The following UNC5D variants were observed in gnomAD, a reference collection of about 807,000 sequenced individuals.
The protein encoded by UNC5D is netrin receptor UNC5D.
In UNC5D, 39 loss-of-function variants were observed where a neutral mutation model predicts 105.4. The observed-to-expected ratio is 0.37, with a 90% CI of 0.29 to 0.48. The LOEUF (loss-of-function observed/expected upper bound fraction) is 0.48, where lower values mean the gene tolerates loss of function less well. Ranked by LOEUF, UNC5D falls within the 20% of genes least tolerant of loss-of-function variation. The pLI, the probability that UNC5D is intolerant of heterozygous loss-of-function variation, is 0.98. For synonymous variants in UNC5D, 452 were observed against 450.4 expected (o/e 1.00, Z -0.04); for missense variants, 991 against 1,202.4 (o/e 0.82, Z 2.60).
At chr8:35,620,070 AG>A (rs1371337798) in intron 4 of UNC5D, among the ~76,000 whole-genome samples, 1 of 152,152 alleles carries the variant, frequency 6.6e-6, no homozygotes, top group Non-Finnish European at 1.5e-5. Flanking sequence ...GCAACAAAAG[AG>A]GGGGTCAAAG....
chr8:35,440,932 G>T (rs1209854081), intron 1 of UNC5D, among the ~76,000 whole-genome samples: 2 of 151,960 alleles, frequency 1.3e-5, no homozygotes, highest in African/African-American at 4.8e-5. Flanking sequence ...TGAGAGGAGG[G>T]TAGGGACCAG....
chr8:35,548,765 G>A (rs531910491), intron 1 of UNC5D, among the ~76,000 whole-genome samples: 2 of 152,336 alleles, frequency 1.3e-5, no homozygotes, highest in South Asian at 4.1e-4. Context: ...CAAGATCCAA[G>A]ACGATTGCCA....
intron 1 of UNC5D, among the ~76,000 whole-genome samples, chr8:35,264,230 C>T (rs184735698): frequency 6.6e-6 from 1 of 152,324 alleles, no homozygotes; most frequent in Admixed American, 6.5e-5. Context: ...TGCTCAGGCA[C>T]TGCAGATGTT....
chr8:35,569,080 G>A (rs1367164481), intron 3 of UNC5D, among the ~76,000 whole-genome samples: 1 of 149,038 alleles, frequency 6.7e-6, no homozygotes, highest in Non-Finnish European at 1.5e-5. Context: ...TACACACTTG[G>A]AAAAAAGTAT....
intron 1 of UNC5D, among the ~76,000 whole-genome samples, chr8:35,421,638 A>G (rs1310915395): frequency 2.6e-5 from 4 of 152,158 alleles, no homozygotes; most frequent in African/African-American, 9.7e-5. Context: ...ATGTATTTGT[A>G]TAGTTGTAAA....
chr8:35,508,087 G>A (rs1208816685), intron 1 of UNC5D, among the ~76,000 whole-genome samples: 1 of 152,068 alleles, frequency 6.6e-6, no homozygotes, highest in Non-Finnish European at 1.5e-5. Flanking sequence ...AAATTTTCTT[G>A]TTCAGGAAAA....
intron 1 of UNC5D, among the ~76,000 whole-genome samples, chr8:35,451,070 T>A (rs1466105586): frequency 6.6e-6 from 1 of 150,810 alleles, no homozygotes; most frequent in Non-Finnish European, 1.5e-5. Flanking sequence ...TGAGACACAG[T>A]TTTGCTCTTG....
intron 1 of UNC5D, among the ~76,000 whole-genome samples, chr8:35,401,501 G>A (rs1411776440): frequency 6.6e-6 from 1 of 152,142 alleles, no homozygotes; most frequent in African/African-American, 2.4e-5. Flanking sequence ...GAAGGAAGCT[G>A]GGAGAGAAAT....
At position 35,500,946 on chromosome 8, in the gene UNC5D, AG is replaced by A. The variant is rs573184249; in HGVS notation, c.104-48344del. The stretch of plus-strand genomic sequence containing the variant: ...GAAATTGTTAAAATTCAAAGGAAAT[AG>A]GAGGAAAGTAGCATTTAGAGTACCA... On this transcript the variant is annotated intron_variant, in intron 1 of 16. Coordinates refer to ENST00000404895, the MANE Select transcript of UNC5D (RefSeq NM_080872.4). 9.0e-3 allele frequency among the ~76,000 whole-genome samples: 984 copies of A among 108,852 alleles called. 3 individuals are homozygous for A. The highest frequency in any genetic ancestry group is 0.012 in the Admixed American group (105 of 8,904). 71.4% of individuals were successfully genotyped at this position (108,852 alleles called of 152,430 possible). A position where few individuals can be genotyped will look rare whatever the true frequency, so the allele number is the denominator to read the frequency against.
At chr8:35,258,055 G>T (rs1804203252) in intron 1 of UNC5D, among the ~76,000 whole-genome samples, 1 of 152,170 alleles carries the variant, frequency 6.6e-6, no homozygotes, top group Non-Finnish European at 1.5e-5. Context: ...CTTGCTCATG[G>T]TTTTGGAGGT....
intron 1 of UNC5D, among the ~76,000 whole-genome samples, chr8:35,416,991 CATGAG>C (rs1805572950): frequency 6.6e-6 from 1 of 152,026 alleles, no homozygotes; most frequent in East Asian, 1.9e-4. Context: ...TTATCAAGTA[CATGAG>C]ATGTTTTGAT....
At chr8:35,686,778 C>G (rs1826036658) in intron 7 of UNC5D, 69 bp downstream of exon 7, 5 of 1,492,970 alleles carry the variant, frequency 3.3e-6, no homozygotes, top group African/African-American at 1.4e-5. Flanking sequence ...AGAAAGTAAG[C>G]TACAGCCATT....
At chr8:35,576,717 A>G (rs966271008) in intron 3 of UNC5D, among the ~76,000 whole-genome samples, 3 of 152,092 alleles carry the variant, frequency 2.0e-5, no homozygotes, top group Non-Finnish European at 2.9e-5. Flanking sequence ...GGTTCATGCC[A>G]TTCTCCTGCC....
intron 2 of UNC5D, among the ~76,000 whole-genome samples, chr8:35,558,507 T>A (rs773307059): frequency 6.6e-6 from 1 of 152,074 alleles, no homozygotes; most frequent in Non-Finnish European, 1.5e-5. Flanking sequence ...TGAAGTATAG[T>A]TTTCGATGCT....
chr8:35,610,421 A>G (rs1344386105), intron 4 of UNC5D, among the ~76,000 whole-genome samples: 1 of 152,158 alleles, frequency 6.6e-6, no homozygotes, highest in Non-Finnish European at 1.5e-5. Flanking sequence ...CTAATCTCAA[A>G]TTTGCTATAT....
intron 1 of UNC5D, among the ~76,000 whole-genome samples, chr8:35,442,222 G>A (rs1286215918): frequency 6.6e-6 from 1 of 151,806 alleles, no homozygotes; most frequent in Non-Finnish European, 1.5e-5. Flanking sequence ...AGAGTTACAT[G>A]TGTCTTCCTT....
chr8:35,547,911 G>A (rs577843441), intron 1 of UNC5D, among the ~76,000 whole-genome samples: 1 of 152,308 alleles, frequency 6.6e-6, no homozygotes, highest in African/African-American at 2.4e-5. Flanking sequence ...TCTGCAAGCT[G>A]AGGAGCAAGG....
intron 13 of UNC5D, among the ~76,000 whole-genome samples, chr8:35,756,822 A>G (rs1249031192): frequency 1.3e-5 from 2 of 152,232 alleles, no homozygotes; most frequent in African/African-American, 2.4e-5. Flanking sequence ...ACTACACTAA[A>G]TAACACATGA....
At chr8:35,680,645 A>G (rs757746698) in intron 4 of UNC5D, among the ~76,000 whole-genome samples, 5 of 152,154 alleles carry the variant, frequency 3.3e-5, no homozygotes, top group Non-Finnish European at 5.9e-5. Flanking sequence ...TTTGAAGCCA[A>G]GTTTCTACTT....
Sources: allele counts gnomAD v4.1 joint callset (sites outside exome capture counted in the v4.1 genomes callset), GRCh38; gene constraint gnomAD v4.1.1; transcripts MANE v1.5; gene names NCBI Gene and HGNC (gene_info 2026-07-23, HGNC 2026-07-21).